ORC5: variants seen among roughly 807,000 people sequenced by gnomAD.
ORC5 encodes protein phosphatase 1, regulatory subunit 117.
ORC5 carries 39 observed loss-of-function variants against 58.8 expected under a neutral mutation model. The ratio of observed to expected loss-of-function variants is 0.66; its 90% CI spans 0.51 to 0.87. The LOEUF (loss-of-function observed/expected upper bound fraction) is 0.87, where lower values mean the gene tolerates loss of function less well. ORC5 is among the 40% of genes least tolerant of loss of function. ORC5 has a pLI of 0.00. For missense variants in ORC5, 493 were observed against 506.3 expected (o/e 0.97, Z 0.25); for synonymous variants, 218 against 177.6 (o/e 1.23, Z -1.81).
chr7:104,139,906 AAAAT>A (rs1404571869), intron 12 of ORC5, among the ~76,000 whole-genome samples: 2 of 152,004 alleles, frequency 1.3e-5, no homozygotes, highest in African/African-American at 4.8e-5. Context: ...GAGAGGTATT[AAAAT>A]TCTTTTGTTA....
At chr7:104,159,125 C>T (rs913521681) in intron 12 of ORC5, among the ~76,000 whole-genome samples, 1 of 150,806 alleles carries the variant, frequency 6.6e-6, no homozygotes. Flanking sequence ...GGCACATATA[C>T]ACCATGGAAT....
In ORC5 at chr7:104,136,944, C is replaced by T; in HGVS notation, c.1150-51G>A. On this transcript the variant is annotated intron_variant, in intron 12 of 13. Coordinates refer to ENST00000297431, the MANE Select transcript of ORC5 (RefSeq NM_002553.4). The surrounding 1 kb of genome is among the most constrained non-coding windows in gnomAD (Gnocchi z 4.2). ...ACTGTTTTAATAAGATTATGTAATA[C>T]TTTTGTTTCTGAAACATCTTATAGT... 7.8e-7 allele frequency: 1 copy of T among 1,279,802 alleles called. No individual in the cohort carries two copies. The highest frequency in any genetic ancestry group is 1.1e-6 in the Non-Finnish European group (1 of 880,890). The allele number at this position is 1,279,802 out of a possible 1,614,324, so 79.3% of individuals were successfully genotyped here. A position where few individuals can be genotyped will look rare whatever the true frequency, so the allele number is the denominator to read the frequency against.
chr7:104,200,732 T>C (rs1269927505), intron 3 of ORC5, 26 bp downstream of exon 3: 1 of 1,325,176 alleles, frequency 7.5e-7, no homozygotes, highest in Non-Finnish European at 1.1e-6. Context: ...AGATAAGAGA[T>C]GATCTAATCA....
chr7:104,161,487 T>C (rs1799021657), intron 11 of ORC5, among the ~76,000 whole-genome samples: 4 of 152,110 alleles, frequency 2.6e-5, no homozygotes, highest in Admixed American at 2.6e-4. Flanking sequence ...TATGTCAGAT[T>C]CTCCTCTTGA....
rs141419727 is a variant in ORC5 at position 104,200,193 on chromosome 7, G to A, written c.366+565C>T. ...TTTTAACATGTCTTCAGAGTAACCA[G>A]GCATATTTGTTGCTCTAAAGTCTTT... On this transcript the variant is annotated intron_variant, in intron 3 of 13. Transcript: ENST00000297431. Among the ~76,000 whole-genome samples the A allele has an allele frequency of 3.3e-3, 509 of 152,178 alleles. 6 individuals are homozygous for A. The highest frequency in any genetic ancestry group is 0.011 in the African/African-American group (454 of 41,518).
intron 6 of ORC5, among the ~76,000 whole-genome samples, chr7:104,186,169 A>G (rs886521721): frequency 6.6e-6 from 1 of 152,248 alleles, no homozygotes; most frequent in South Asian, 2.1e-4. Context: ...TGACCCTTGA[A>G]CGACATAGGT....
chr7:104,151,010 C>T (rs1798836731), intron 12 of ORC5, among the ~76,000 whole-genome samples: 1 of 151,700 alleles, frequency 6.6e-6, no homozygotes, highest in Admixed American at 6.6e-5. Flanking sequence ...AAAGAGAGCT[C>T]GATAGTTGTA....
rs1008461579 is a variant in ORC5 at position 104,207,964 on chromosome 7, G to A, written c.-60C>T. On this transcript the variant is annotated 5_prime_UTR_variant, in exon 1 of 14. Transcript: ENST00000297431. Reference sequence around the variant, plus strand: ...AGCCCACAGGACCCTTGCACAAGACGGAGCCTCTCCCGAGTCTGGCGGCCC... The same window carrying A: ...AGCCCACAGGACCCTTGCACAAGACAGAGCCTCTCCCGAGTCTGGCGGCCC... 1.6e-5 allele frequency: 24 copies of A among 1,518,554 alleles called. No homozygotes were observed. The highest frequency in any genetic ancestry group is 1.2e-4 in the African/African-American group (9 of 72,766). 94.1% of individuals were successfully genotyped at this position (1,518,554 alleles called of 1,614,324 possible). A position where few individuals can be genotyped will look rare whatever the true frequency, so the allele number is the denominator to read the frequency against.
At chr7:104,195,981 A>T (rs1186517531) in intron 4 of ORC5, among the ~76,000 whole-genome samples, 4 of 143,680 alleles carry the variant, frequency 2.8e-5, no homozygotes, top group South Asian at 2.1e-4. Context: ...TACTTAACAT[A>T]AAAAAATGAG....
At chr7:104,130,069 T>G (rs1235134483) in intron 13 of ORC5, among the ~76,000 whole-genome samples, 1 of 152,156 alleles carries the variant, frequency 6.6e-6, no homozygotes, top group Non-Finnish European at 1.5e-5. Flanking sequence ...TTAATTTTTT[T>G]TTTTTCTGAC....
Position 104,207,952 on chromosome 7 carries a change from C to G in ORC5, c.-48G>C, listed in dbSNP as rs1800138799. 6.4e-7 allele frequency: 1 copy of G among 1,563,512 alleles called. No individual in the cohort carries two copies. Among genetic ancestry groups the G allele is most frequent in the East Asian group, 2.2e-5 (1 of 44,598 alleles). ...GCCAGTGCAGCCAGCCCACAGGACC[C>G]TTGCACAAGACGGAGCCTCTCCCGA... is the stretch of plus-strand genomic sequence containing the variant. On this transcript the variant is annotated 5_prime_UTR_variant, in exon 1 of 14. Transcript: ENST00000297431.
intron 8 of ORC5, among the ~76,000 whole-genome samples, chr7:104,176,505 A>G (rs1799323665): frequency 6.6e-6 from 1 of 151,908 alleles, no homozygotes; most frequent in Non-Finnish European, 1.5e-5. Context: ...TTATTGACAC[A>G]AAGAGTCTGT....
chr7:104,137,569 C>T (rs754601088), intron 12 of ORC5, among the ~76,000 whole-genome samples: 11 of 151,982 alleles, frequency 7.2e-5, no homozygotes, highest in Non-Finnish European at 1.0e-4. Context: ...CTATAAAAAC[C>T]CCGAGACCCT....
intron 8 of ORC5, among the ~76,000 whole-genome samples, chr7:104,182,200 C>T (rs117779262): frequency 6.6e-6 from 1 of 152,242 alleles, no homozygotes; most frequent in Non-Finnish European, 1.5e-5. Flanking sequence ...AACCTTGTAC[C>T]TGATGTGTGG....
chr7:104,174,096 G>C (rs539014012), intron 8 of ORC5, among the ~76,000 whole-genome samples: 89 of 151,918 alleles, frequency 5.9e-4, no homozygotes, highest in African/African-American at 2.1e-3. Flanking sequence ...CGCCCGCCTC[G>C]GCCTCCCAAA....
At position 104,161,192 on chromosome 7, in the gene ORC5, A is replaced by G. The variant is rs768267197; in HGVS notation, c.1039-10T>C. 6.9e-7 allele frequency: 1 copy of G among 1,454,108 alleles called. No homozygotes were observed. The highest frequency in any genetic ancestry group is 1.2e-5 in the South Asian group (1 of 86,492). 90.1% of individuals were successfully genotyped at this position (1,454,108 alleles called of 1,614,324 possible). On this transcript the variant is annotated splice_polypyrimidine_tract_variant and intron_variant, in intron 11 of 13. Coordinates refer to ENST00000297431, the MANE Select transcript of ORC5 (RefSeq NM_002553.4). ...GGAGATGATTGCTTGTCTGTAAAAAACAAAACAAAAACATGGATTTTCTTC... is the reference window on the plus strand; with the variant it reads ...GGAGATGATTGCTTGTCTGTAAAAAGCAAAACAAAAACATGGATTTTCTTC...
At chr7:104,200,615 A>G (rs1799915021) in intron 3 of ORC5, 143 bp downstream of exon 3, 1 of 609,764 alleles carries the variant, frequency 1.6e-6, no homozygotes, top group Admixed American at 3.0e-5. Context: ...GATAAGGAAT[A>G]TATTTAATAC....
intron 4 of ORC5, among the ~76,000 whole-genome samples, chr7:104,196,386 A>C (rs1799801961): frequency 6.6e-6 from 1 of 152,230 alleles, no homozygotes; most frequent in South Asian, 2.1e-4. Flanking sequence ...ACATCTACTC[A>C]AAGAAGATAG....
rs1357446332 is a variant in ORC5, at chr7:104,136,736, A to G, written c.1262+45T>C. 1 of 1,274,450 alleles carries G rather than the reference A, an allele frequency of 7.8e-7. No individual in the cohort carries two copies. Among genetic ancestry groups the G allele is most frequent in the Non-Finnish European group, 1.1e-6 (1 of 877,816 alleles). 78.9% of individuals were successfully genotyped at this position (1,274,450 alleles called of 1,614,324 possible). The stretch of plus-strand genomic sequence containing the variant: ...AATGACATCACATTTGGAAAACACT[A>G]ATTTTTATATTTAGTATATCATTAC... On this transcript the variant is annotated intron_variant, in intron 13 of 13. Transcript: ENST00000297431. The surrounding 1 kb of genome is among the most constrained non-coding windows in gnomAD (Gnocchi z 4.2).
Sources: gnomAD v4.1 joint callset for allele counts (sites outside exome capture counted in the v4.1 genomes callset) on GRCh38, gnomAD v4.1.1 for gene constraint, Gnocchi (gnomAD v3.1) non-coding constraint, MANE v1.5 for transcripts, NCBI Gene and HGNC (gene_info 2026-07-23, HGNC 2026-07-21) for gene names.